The following RASSF3 variants were observed in gnomAD, a reference collection of about 807,000 sequenced individuals.
RASSF3 encodes Ras association domain family member 3.
In RASSF3, 19 loss-of-function variants were observed where a neutral mutation model predicts 19.9. The observed-to-expected ratio is 0.96, with a 90% CI of 0.67 to 1.40. RASSF3 has a LOEUF of 1.40. Among genes scored for constraint, RASSF3 ranks in the 40% most tolerant of loss-of-function variants. RASSF3 has a pLI of 0.00. For missense variants in RASSF3, 306 were observed against 289.8 expected (o/e 1.06, Z -0.41); for synonymous variants, 110 against 104.2 (o/e 1.06, Z -0.34).
chr12:64,586,963 C>A (rs1869815465), intron 2 of RASSF3, among the ~76,000 whole-genome samples: 1 of 151,704 alleles, frequency 6.6e-6, no homozygotes. Flanking sequence ...TTACCCCAAA[C>A]TACTCAGCTC....
At chr12:64,638,275 C>T (rs954638018) in intron 1 of RASSF3, among the ~76,000 whole-genome samples, 7 of 152,118 alleles carry the variant, frequency 4.6e-5, no homozygotes, top group Non-Finnish European at 5.9e-5. Flanking sequence ...TTCAGGCATA[C>T]GGTAATTCTA....
At chr12:64,579,921 TCTCCTGCCTCAGC>T (rs936862237) in intron 2 of RASSF3, among the ~76,000 whole-genome samples, 3 of 151,076 alleles carry the variant, frequency 2.0e-5, no homozygotes, top group Non-Finnish European at 4.4e-5. Context: ...TTCAAGAGAT[TCTCCTGCCTCAGC>T]CTCCCTAGTA....
chr12:64,682,293 C>T (rs960834549), intron 1 of RASSF3, among the ~76,000 whole-genome samples: 1 of 152,194 alleles, frequency 6.6e-6, no homozygotes, highest in Non-Finnish European at 1.5e-5. Flanking sequence ...CCGGGCGCCA[C>T]GAGATAGGTG....
At chr12:64,560,375 T>G (rs1225883380) in intron 2 of RASSF3, among the ~76,000 whole-genome samples, 1 of 152,144 alleles carries the variant, frequency 6.6e-6, no homozygotes, top group Non-Finnish European at 1.5e-5. Context: ...GCTCTCACAG[T>G]CTCTATTGCT....
chr12:64,664,503 T>C (rs1325994739), intron 1 of RASSF3, among the ~76,000 whole-genome samples: 1 of 152,178 alleles, frequency 6.6e-6, no homozygotes, highest in Non-Finnish European at 1.5e-5. Context: ...CCACCACGCC[T>C]GGCCCTGGTA....
At chr12:64,632,712 G>C (rs921763704) in intron 1 of RASSF3, among the ~76,000 whole-genome samples, 2 of 152,112 alleles carry the variant, frequency 1.3e-5, no homozygotes, top group East Asian at 1.9e-4. Context: ...CTCGGTTTTA[G>C]GGCCTATACG....
chr12:64,543,234 G>C (rs973657884), downstream of RASSF3, among the ~76,000 whole-genome samples: 5 of 148,210 alleles, frequency 3.4e-5, 1 homozygote, highest in Non-Finnish European at 7.5e-5. Flanking sequence ...GGAGTGGCCG[G>C]CCGGCGCCGC....
chr12:64,653,655 C>A (rs968516430), intron 1 of RASSF3, among the ~76,000 whole-genome samples: 1 of 151,766 alleles, frequency 6.6e-6, no homozygotes, highest in Non-Finnish European at 1.5e-5. Flanking sequence ...GCAGCCTTCA[C>A]CTCCTGGGCC....
intron 1 of RASSF3, among the ~76,000 whole-genome samples, chr12:64,518,546 T>C (rs1328218283): frequency 1.4e-4 from 21 of 152,216 alleles, no homozygotes. Context: ...CACCAAGCCA[T>C]GCATGAGGGA....
Position 64,689,791 on chromosome 12 carries a change from C to CTTTTTTTTTTTTTTTTTTTT in RASSF3, c.457+1351_457+1352insTTTTTTTTTTTTTTTTTTTT, listed in dbSNP as rs762822586. Among the ~76,000 whole-genome samples, 119 of 96,538 alleles carry CTTTTTTTTTTTTTTTTTTTT rather than the reference C, an allele frequency of 1.2e-3. 15 individuals carry two copies. The highest frequency in any genetic ancestry group is 1.7e-3 in the Non-Finnish European group (83 of 49,902). 63.3% of individuals were successfully genotyped at this position (96,538 alleles called of 152,430 possible). A position where few individuals can be genotyped will look rare whatever the true frequency, so the allele number is the denominator to read the frequency against. On this transcript the variant is annotated intron_variant, in intron 3 of 4. Transcript: ENST00000542104. ...GTTTGTAGCTGCTAATTCGCTAATTCTTTTTTTTTTTTTGAGACGGAGTCT... is the reference window on the plus strand; with the variant it reads ...GTTTGTAGCTGCTAATTCGCTAATTCTTTTTTTTTTTTTTTTTTTTTTTTTTTTTTTTTGAGACGGAGTCT...
At chr12:64,688,725 G>A (rs1322887356) in intron 3 of RASSF3, among the ~76,000 whole-genome samples, 5 of 152,234 alleles carry the variant, frequency 3.3e-5, no homozygotes, top group South Asian at 2.1e-4. Context: ...GGGATGGGGC[G>A]GGGGCTGTTT....
At chr12:64,546,898 G>A (rs1324553321) in intron 2 of RASSF3, among the ~76,000 whole-genome samples, 4 of 151,962 alleles carry the variant, frequency 2.6e-5, no homozygotes, top group African/African-American at 7.3e-5. Flanking sequence ...ACTCCTAGAA[G>A]CTATAGAATT....
intron 1 of RASSF3, among the ~76,000 whole-genome samples, chr12:64,634,739 C>A (rs959046266): frequency 2.3e-5 from 3 of 132,124 alleles, no homozygotes; most frequent in Non-Finnish European, 4.6e-5. Flanking sequence ...CCAGCCTGCA[C>A]GACACAGCGA....
chr12:64,625,154 TGAATTGG>T (rs1870942547), intron 1 of RASSF3, among the ~76,000 whole-genome samples: 2 of 152,208 alleles, frequency 1.3e-5, no homozygotes, highest in African/African-American at 4.8e-5. Flanking sequence ...TTAACCAAAA[TGAATTGG>T]GAATCTCAAT....
rs1868332243 is a variant in RASSF3, at chr12:64,694,873, G to A, written c.678G>A (p.Lys226=). The A allele has an allele frequency of 1.2e-6, 2 of 1,614,130 alleles. No homozygotes were observed. The highest frequency in any genetic ancestry group is 1.7e-6 in the Non-Finnish European group (2 of 1,180,048). Reference sequence around the variant, plus strand: ...GGCGCTACACAGCCTACAGGCAGAAGCTGGAAGAAGCCCTCCGTGAGGTGT... The same window carrying A: ...GGCGCTACACAGCCTACAGGCAGAAACTGGAAGAAGCCCTCCGTGAGGTGT... ...LKRRYTAYRQ[K]LEEALREVWK... Residue 226 remains lysine, a synonymous_variant, in exon 5 of 5, where the codon AAG becomes AAA. Transcript: ENST00000542104.
At chr12:64,591,909 T>C (rs1869930146) in intron 2 of RASSF3, among the ~76,000 whole-genome samples, 1 of 151,678 alleles carries the variant, frequency 6.6e-6, no homozygotes, top group Admixed American at 6.6e-5. Flanking sequence ...GGTTGCTGTT[T>C]TTTTTTTTTT....
At chr12:64,657,564 C>T (rs932605780) in intron 1 of RASSF3, among the ~76,000 whole-genome samples, 1 of 152,188 alleles carries the variant, frequency 6.6e-6, no homozygotes. Context: ...AGTGGTCTTG[C>T]CTCTGTGCCT....
At chr12:64,530,707 T>C (rs1216649956), upstream of RASSF3, among the ~76,000 whole-genome samples, 2 of 152,238 alleles carry the variant, frequency 1.3e-5, no homozygotes, top group Non-Finnish European at 2.9e-5. Flanking sequence ...AAGTTCCAGT[T>C]GCTCCACATC....
intron 1 of RASSF3, among the ~76,000 whole-genome samples, chr12:64,624,255 C>T (rs1236143912): frequency 6.6e-6 from 1 of 151,832 alleles, no homozygotes; most frequent in Non-Finnish European, 1.5e-5. Flanking sequence ...TACAATGCAT[C>T]TTGCTTGTTT....
Sources: allele counts gnomAD v4.1 joint callset (sites outside exome capture counted in the v4.1 genomes callset), GRCh38; gene constraint gnomAD v4.1.1; transcripts MANE v1.5; gene names NCBI Gene and HGNC (gene_info 2026-07-23, HGNC 2026-07-21).